The following RGPD1 variants were observed in gnomAD, a reference collection of about 807,000 sequenced individuals.
The protein encoded by RGPD1 is RANBP2-like and GRIP domain-containing protein 1.
RGPD1 carries 7 observed loss-of-function variants against 40.6 expected under a neutral mutation model. That is an observed-to-expected ratio of 0.17 (90% confidence interval 0.10 to 0.32). RGPD1 has a LOEUF of 0.32. RGPD1 is among the 10% of genes least tolerant of loss of function. RGPD1 has a pLI of 1.00. For missense variants in RGPD1, 50 were observed against 472.5 expected (o/e 0.11, Z 8.29); for synonymous variants, 24 against 167.0 (o/e 0.14, Z 6.60).
At chr2:86,930,613 C>T (rs1678871423) in intron 1 of RGPD1, 2 of 1,611,538 alleles carry the variant, frequency 1.2e-6, no homozygotes, top group Non-Finnish European at 1.7e-6. Context: ...GTGCAGCAGC[C>T]AGTCTCCCCG....
At chr2:86,914,272 T>C (rs1283394605) in intron 1 of RGPD1, among the ~76,000 whole-genome samples, 17 of 7,976 alleles carry the variant, frequency 2.1e-3, no homozygotes, top group African/African-American at 3.0e-3. Context: ...GCCTCGGCCT[T>C]GGCCTCGGCC....
chr2:87,003,621 A>G, intron 22 of RGPD1, among the ~76,000 whole-genome samples: 1 of 24,478 alleles, frequency 4.1e-5, no homozygotes, highest in Middle Eastern at 9.6e-3. Flanking sequence ...CTTTCTTTAA[A>G]ATTGCTAAAA....
At chr2:86,944,072 C>G (rs1680143256) in intron 1 of RGPD1, among the ~76,000 whole-genome samples, 1 of 151,962 alleles carries the variant, frequency 6.6e-6, no homozygotes, top group Non-Finnish European at 1.5e-5. Context: ...ATAATAGTAG[C>G]ATAATTGTGT....
intron 1 of RGPD1, among the ~76,000 whole-genome samples, chr2:86,928,715 A>G (rs1678684842): frequency 6.6e-6 from 1 of 152,258 alleles, no homozygotes; most frequent in Non-Finnish European, 1.5e-5. Context: ...GACGAAAGGC[A>G]TTGGCAATGA....
At chr2:86,920,194 T>G (rs59993877) in intron 1 of RGPD1, among the ~76,000 whole-genome samples, 3 of 151,452 alleles carry the variant, frequency 2.0e-5, no homozygotes, top group Non-Finnish European at 2.9e-5. Context: ...CTCAGCCTCC[T>G]GAGTAGCTGG....
chr2:86,939,368 C>G (rs1230868537), upstream of RGPD1, among the ~76,000 whole-genome samples: 1 of 149,326 alleles, frequency 6.7e-6, no homozygotes, highest in Non-Finnish European at 1.5e-5. Flanking sequence ...CACTGGAGGC[C>G]AGGAGTTCAA....
At chr2:86,918,381 T>G (rs1355436349) in intron 1 of RGPD1, among the ~76,000 whole-genome samples, 1 of 148,110 alleles carries the variant, frequency 6.8e-6, no homozygotes, top group African/African-American at 2.5e-5. Flanking sequence ...AAAATCACTC[T>G]AGACTATAAT....
rs1553449000 is a variant in RGPD1, at chr2:86,951,898, T to TA, written c.137+539dup. Among the ~76,000 whole-genome samples the TA allele has an allele frequency of 7.7e-5, 9 of 116,488 alleles. No homozygotes were observed. In the East Asian group the frequency reaches 1.5e-3, roughly 20 times the overall value. The allele number at this position is 116,488 out of a possible 152,430, so 76.4% of individuals were successfully genotyped here. On this transcript the variant is annotated intron_variant, in intron 2 of 22. Coordinates refer to ENST00000641458, the MANE Select transcript of RGPD1 (RefSeq NM_001382344.1). ...GTTTTTTTTTTTTTTTTTTTTTTTT[T>TA]AGGCAGTATCTGTCTCTCTTGCTCA...
intron 1 of RGPD1, among the ~76,000 whole-genome samples, 163 bp downstream of exon 1, chr2:86,942,471 C>CGGCTGGCGCAGTCCTG: frequency 7.2e-6 from 1 of 138,606 alleles, no homozygotes; most frequent in East Asian, 2.3e-4. Flanking sequence ...AGGCGCCGGC[C>CGGCTGGCGCAGTCCTG]TCGACCTGGC....
intron 1 of RGPD1, among the ~76,000 whole-genome samples, chr2:86,914,208 G>GGGC (rs1460081820): frequency 1.5e-5 from 1 of 64,898 alleles, no homozygotes; most frequent in Non-Finnish European, 3.4e-5. Context: ...CGGCCTGGCC[G>GGGC]GGCGGCGGCG....
chr2:86,930,898 C>T, intron 1 of RGPD1: 1 of 561,390 alleles, frequency 1.8e-6, no homozygotes, highest in Non-Finnish European at 3.1e-6. Context: ...AGCTTCCATC[C>T]CCAGAGCCCA....
At chr2:86,943,383 C>G (rs935405172) in intron 1 of RGPD1, among the ~76,000 whole-genome samples, 24 of 148,364 alleles carry the variant, frequency 1.6e-4, no homozygotes, top group Non-Finnish European at 3.4e-4. Context: ...TTAACCTTTT[C>G]CACAAATGTT....
intron 4 of RGPD1, among the ~76,000 whole-genome samples, chr2:86,957,428 CAGAT>C (rs1457092083): frequency 1.3e-5 from 2 of 152,292 alleles, no homozygotes; most frequent in African/African-American, 4.8e-5. Context: ...GGTGGTGACT[CAGAT>C]GGACAGGGAT....
chr2:86,930,677 C>T, intron 1 of RGPD1: 1 of 1,610,192 alleles, frequency 6.2e-7, no homozygotes, highest in South Asian at 1.1e-5. Flanking sequence ...CTGGGCACAG[C>T]TCTCGAAGCT....
At chr2:86,927,136 C>G (rs918209221) in intron 1 of RGPD1, among the ~76,000 whole-genome samples, 1 of 151,836 alleles carries the variant, frequency 6.6e-6, no homozygotes, top group African/African-American at 2.4e-5. Context: ...TTGCAGATGC[C>G]TTTTCTCAGA....
chr2:86,943,319 TAA>T (rs531699281), intron 1 of RGPD1, among the ~76,000 whole-genome samples: 1 of 123,300 alleles, frequency 8.1e-6, no homozygotes, highest in Non-Finnish European at 1.7e-5. Flanking sequence ...TGCCTTTGCT[TAA>T]AAAAAAAAAA....
chr2:86,924,805 A>C (rs1453822943), intron 1 of RGPD1, among the ~76,000 whole-genome samples: 2 of 151,698 alleles, frequency 1.3e-5, no homozygotes, highest in Non-Finnish European at 3.0e-5. Context: ...TAAAATTCAC[A>C]TCTGTAATTT....
intron 1 of RGPD1, among the ~76,000 whole-genome samples, chr2:86,942,876 C>T (rs950980352): frequency 4.6e-5 from 7 of 151,920 alleles, no homozygotes; most frequent in South Asian, 2.1e-4. Flanking sequence ...CCTTTGGCGC[C>T]GGATCTTCCT....
intron 1 of RGPD1, among the ~76,000 whole-genome samples, chr2:86,925,861 C>T (rs1323152060): frequency 2.6e-5 from 4 of 152,142 alleles, no homozygotes; most frequent in African/African-American, 4.8e-5. Flanking sequence ...TGAGCCACCA[C>T]GCCTGGCCTT....
Sources: allele counts gnomAD v4.1 joint callset (sites outside exome capture counted in the v4.1 genomes callset), GRCh38; gene constraint gnomAD v4.1.1; transcripts MANE v1.5; gene names NCBI Gene and HGNC (gene_info 2026-07-23, HGNC 2026-07-21).